DOCK3: variants seen among roughly 807,000 people sequenced by gnomAD.
The protein encoded by DOCK3 is dedicator of cytokinesis 3, also known as dedicator of cytokinesis protein 3.
In DOCK3, 60 loss-of-function variants were observed where a neutral mutation model predicts 265.6. The observed-to-expected ratio is 0.23, with a 90% CI of 0.18 to 0.28. The LOEUF (loss-of-function observed/expected upper bound fraction) is 0.28, where lower values mean the gene tolerates loss of function less well. Ranked by LOEUF, DOCK3 falls within the 10% of genes least tolerant of loss-of-function variation. The pLI is 1.00. For missense variants in DOCK3, 1,981 were observed against 2,594.3 expected (o/e 0.76, Z 5.14); for synonymous variants, 881 against 938.0 (o/e 0.94, Z 1.11).
At position 51,260,435 on chromosome 3, in the gene DOCK3, T is replaced by A. The variant is rs1360671055; in HGVS notation, c.2355+109T>A. 3.1e-6 allele frequency: 4 copies of A among 1,274,884 alleles called. No homozygotes were observed. The East Asian group carries it at 7.7e-5, about 24-fold the overall frequency. 79.0% of individuals were successfully genotyped at this position (1,274,884 alleles called of 1,614,324 possible). On this transcript the variant is annotated intron_variant, in intron 23 of 52. Transcript: ENST00000266037. The stretch of plus-strand genomic sequence containing the variant: ...AGAAGCCCTGCCAGGATCATGTGTG[T>A]TGGGTAAGGGATTATTTACAAGGAA...
At chr3:51,262,994 C>T (rs1024196474) in intron 23 of DOCK3, among the ~76,000 whole-genome samples, 17 of 152,304 alleles carry the variant, frequency 1.1e-4, no homozygotes, top group African/African-American at 3.8e-4. Context: ...GGAAAACACT[C>T]TTCAGGATAT....
chr3:51,178,212 T>C (rs186360675), intron 12 of DOCK3, among the ~76,000 whole-genome samples: 1 of 152,316 alleles, frequency 6.6e-6, no homozygotes, highest in East Asian at 1.9e-4. Context: ...GGGTGTGTCA[T>C]GTCAGGAGTA....
rs191564871 is a variant in DOCK3 at position 51,275,189 on chromosome 3, G to C, written c.2659G>C (p.Val887Leu). Residue 887 changes from valine to leucine, a missense_variant, in exon 25 of 53, where the codon GTC (valine) becomes CTC (leucine). Coordinates refer to ENST00000266037, the MANE Select transcript of DOCK3 (RefSeq NM_004947.5). ...GATTCTTGGCAGCATCTTCTCCATC[G>C]TCAAGACCAGCTCTCTGGTAGTGGC... ...SGILGSIFSIVKTSSLEADVM... is the reference protein window; with the variant it reads ...SGILGSIFSILKTSSLEADVM... 6.2e-7 allele frequency: 1 copy of C among 1,613,826 alleles called. No homozygotes were observed. Among genetic ancestry groups the C allele is most frequent in the South Asian group, 1.1e-5 (1 of 91,084 alleles).
chr3:50,851,779 C>G (rs2046367847), intron 3 of DOCK3, among the ~76,000 whole-genome samples: 1 of 152,210 alleles, frequency 6.6e-6, no homozygotes, highest in Non-Finnish European at 1.5e-5. Context: ...GTGCTTTCCA[C>G]AGTTCTGTCT....
At chr3:51,140,078 G>T (rs544189108) in intron 9 of DOCK3, among the ~76,000 whole-genome samples, 5 of 152,140 alleles carry the variant, frequency 3.3e-5, no homozygotes, top group Admixed American at 2.0e-4. Flanking sequence ...TTTGTTGTTT[G>T]TTGGTTTTCT....
At chr3:50,822,968 T>G (rs2044533635) in intron 2 of DOCK3, among the ~76,000 whole-genome samples, 1 of 152,196 alleles carries the variant, frequency 6.6e-6, no homozygotes, top group Non-Finnish European at 1.5e-5. Context: ...TTCTGTTAGC[T>G]CTGGGAACTG....
rs118049990 is a variant in DOCK3 at position 51,198,979 on chromosome 3, G to A, written c.1038-9795G>A. Among the ~76,000 whole-genome samples the A allele has an allele frequency of 6.5e-3, 987 of 152,158 alleles. 29 individuals carry two copies. The highest frequency in any genetic ancestry group is 0.056 in the East Asian group (288 of 5,158). Reference sequence around the variant, plus strand: ...AGGGAGGTGGAGGTTGCAGTGACCCGAAGACGTGCCATTGCACTCCAGCCT... The same window carrying A: ...AGGGAGGTGGAGGTTGCAGTGACCCAAAGACGTGCCATTGCACTCCAGCCT... On this transcript the variant is annotated intron_variant, in intron 12 of 52. Transcript: ENST00000266037.
chr3:51,127,299 G>A (rs2084308345), intron 9 of DOCK3, among the ~76,000 whole-genome samples: 1 of 152,106 alleles, frequency 6.6e-6, no homozygotes, highest in African/African-American at 2.4e-5. Context: ...ACCACGATCA[G>A]TACTTTGTAT....
At chr3:50,944,176 G>A (rs2076369796) in intron 5 of DOCK3, among the ~76,000 whole-genome samples, 1 of 152,168 alleles carries the variant, frequency 6.6e-6, no homozygotes, top group South Asian at 2.1e-4. Flanking sequence ...GGAAAAGAGT[G>A]TATTATATGT....
intron 9 of DOCK3, among the ~76,000 whole-genome samples, chr3:51,130,831 C>T (rs1396525093): frequency 6.6e-6 from 1 of 152,102 alleles, no homozygotes; most frequent in Admixed American, 6.5e-5. Context: ...CCTCAGCCTC[C>T]CGAGTAGTTG....
chr3:51,167,369 C>T (rs986705369), intron 12 of DOCK3, among the ~76,000 whole-genome samples: 3 of 152,142 alleles, frequency 2.0e-5, no homozygotes, highest in African/African-American at 7.2e-5. Flanking sequence ...TATTTGAAAT[C>T]AGGAAGTGTG....
chr3:50,938,973 A>C (rs1486827472), intron 5 of DOCK3, among the ~76,000 whole-genome samples: 6 of 151,878 alleles, frequency 4.0e-5, no homozygotes, highest in African/African-American at 1.4e-4. Flanking sequence ...AAAAAATAGA[A>C]AAGCAATAGG....
intron 4 of DOCK3, among the ~76,000 whole-genome samples, 183 bp from the exon 5 acceptor site, chr3:50,933,798 A>C (rs2051203842): frequency 6.6e-6 from 1 of 152,254 alleles, no homozygotes; most frequent in African/African-American, 2.4e-5. Flanking sequence ...TCTTTACTTT[A>C]ATTCAGTTTA....
chr3:51,111,697 A>G (rs1449819194), intron 9 of DOCK3, among the ~76,000 whole-genome samples: 1 of 152,218 alleles, frequency 6.6e-6, no homozygotes, highest in Non-Finnish European at 1.5e-5. Context: ...AATTGCAACA[A>G]AAGCAAAAAT....
In DOCK3 at chr3:51,361,815, T is replaced by A. The variant is rs138358155; in HGVS notation, c.5007-44T>A. 1.9e-6 allele frequency: 3 copies of A among 1,596,966 alleles called. No individual in the cohort carries two copies. In the South Asian group the frequency reaches 3.4e-5, roughly 18 times the overall value. ...TCCGCTCTACTGTCCCCCTGCCACC[T>A]GCCATGGGCCTGACTCCTCCCTATT... On this transcript the variant is annotated intron_variant, in intron 47 of 52. Transcript: ENST00000266037. The surrounding 1 kb of genome is among the most constrained non-coding windows in gnomAD (Gnocchi z 4.2).
At chr3:51,158,106 C>A (rs1379284789) in intron 10 of DOCK3, among the ~76,000 whole-genome samples, 1 of 152,144 alleles carries the variant, frequency 6.6e-6, no homozygotes, top group Admixed American at 6.6e-5. Context: ...GTATCATTAA[C>A]TCGCAATAAT....
chr3:51,223,226 G>A (rs1263185060), intron 14 of DOCK3, among the ~76,000 whole-genome samples: 3 of 152,136 alleles, frequency 2.0e-5, no homozygotes, highest in Non-Finnish European at 4.4e-5. Flanking sequence ...ACAGGTATGA[G>A]CCACCATGCT....
At chr3:51,021,044 A>G (rs543043667) in intron 5 of DOCK3, among the ~76,000 whole-genome samples, 1 of 152,138 alleles carries the variant, frequency 6.6e-6, no homozygotes, top group South Asian at 2.1e-4. Flanking sequence ...CATTGAAACT[A>G]TAAATGATTC....
intron 3 of DOCK3, among the ~76,000 whole-genome samples, chr3:50,861,354 T>C (rs527766501): frequency 3.1e-4 from 47 of 152,324 alleles, no homozygotes; most frequent in African/African-American, 1.1e-3. Context: ...TACTCCCCAA[T>C]GGTCAATTTT....
Sources: gnomAD v4.1 joint callset for allele counts (sites outside exome capture counted in the v4.1 genomes callset) on GRCh38, gnomAD v4.1.1 for gene constraint, Gnocchi (gnomAD v3.1) non-coding constraint, MANE v1.5 for transcripts, NCBI Gene and HGNC (gene_info 2026-07-23, HGNC 2026-07-21) for gene names.